ASB1: variants seen among roughly 807,000 people sequenced by gnomAD.
ASB1 encodes the protein ankyrin repeat and SOCS box containing 1.
In ASB1, 18 loss-of-function variants were observed where a neutral mutation model predicts 27.7. The ratio of observed to expected loss-of-function variants is 0.65; its 90% CI spans 0.45 to 0.96. The LOEUF (loss-of-function observed/expected upper bound fraction) is 0.96, where lower values mean the gene tolerates loss of function less well. Ranked by LOEUF, ASB1 falls within the 50% of genes least tolerant of loss-of-function variation. The pLI is 0.00. For missense variants in ASB1, 397 were observed against 451.7 expected (o/e 0.88, Z 1.10); for synonymous variants, 189 against 187.6 (o/e 1.01, Z -0.06).
rs1282842486 is a variant in ASB1 at position 238,448,148 on chromosome 2, C to T, written c.*1637C>T. 6.6e-6 allele frequency: 1 copy of T among 152,326 alleles called. No homozygotes were observed. The allele number at this position is 152,326 out of a possible 1,614,324, so 9.4% of individuals were successfully genotyped here. ...GTCCTGCTGAAGCCAGGAGGGTCTT[C>T]CCAAGATAGGAGAGGAACCGCAGGT... is the stretch of plus-strand genomic sequence containing the variant. On this transcript the variant is annotated 3_prime_UTR_variant, in exon 5 of 5. Transcript: ENST00000264607.
intron 3 of ASB1, 71 bp from the exon 4 acceptor site, chr2:238,444,271 G>A: frequency 6.6e-7 from 1 of 1,521,352 alleles, no homozygotes; most frequent in South Asian, 1.3e-5. Context: ...TGTGGGATTT[G>A]TTGGATCTGT....
chr2:238,434,083 C>T (rs1468568436), intron 2 of ASB1, among the ~76,000 whole-genome samples: 3 of 152,212 alleles, frequency 2.0e-5, no homozygotes, highest in Non-Finnish European at 4.4e-5. Context: ...CCTGCTTCAC[C>T]ACCTTCCCTA....
intron 3 of ASB1, among the ~76,000 whole-genome samples, chr2:238,437,219 G>T (rs1701989190): frequency 6.6e-6 from 1 of 151,588 alleles, no homozygotes. Context: ...ATTATACTAG[G>T]TTTACAGTCT....
rs1317969675 is a variant in ASB1 at position 238,442,361 on chromosome 2, C to T, written c.495-1981C>T. Among the ~76,000 whole-genome samples the T allele has an allele frequency of 2.0e-5, 3 of 152,132 alleles. No homozygotes were observed. The East Asian group carries it at 5.8e-4, about 29-fold the overall frequency. The stretch of plus-strand genomic sequence containing the variant: ...TCCTGACCTCAGATGATCCACCTGC[C>T]TTGGCCTCCTAAAGTGCTGGGATTA... On this transcript the variant is annotated intron_variant, in intron 3 of 4. Transcript: ENST00000264607.
chr2:238,426,971 C>G lies in ASB1; in HGVS notation c.-100C>G, dbSNP rs1701763215. The G allele has an allele frequency of 3.1e-6, 3 of 962,812 alleles. No individual in the cohort carries two copies. The highest frequency in any genetic ancestry group is 4.4e-5 in the Admixed American group (1 of 22,838). The allele number at this position is 962,812 out of a possible 1,614,324, so 59.6% of individuals were successfully genotyped here. A position where few individuals can be genotyped will look rare whatever the true frequency, so the allele number is the denominator to read the frequency against. On this transcript the variant is annotated 5_prime_UTR_variant, in exon 1 of 5. Transcript: ENST00000264607. ...CGCCGGAAGCCGCGACCCCGACGCG[C>G]CCCCCATTGCCCTCGGCGCCGGAAG...
intron 3 of ASB1, among the ~76,000 whole-genome samples, chr2:238,439,499 G>T (rs564366438): frequency 1.3e-5 from 2 of 152,288 alleles, no homozygotes; most frequent in African/African-American, 4.8e-5. Context: ...CGGCATGGAA[G>T]GTGACGCAGT....
rs776008038 is a variant in ASB1, at chr2:238,444,517, G to A, written c.670G>A (p.Gly224Ser). Residue 224 changes from glycine to serine, a missense_variant, in exon 4 of 5, where the codon GGT becomes AGT. Coordinates refer to ENST00000264607, the MANE Select transcript of ASB1 (RefSeq NM_001040445.3). Reference sequence around the variant, plus strand: ...CGCGAACCCTGACTTCAACTGCAATGGTCCTGTCAACACACAGGGATTCTA... The same window carrying A: ...CGCGAACCCTGACTTCAACTGCAATAGTCCTGTCAACACACAGGGATTCTA... ...AGANPDFNCN[G>S]PVNTQGFYRG... 2.5e-6 allele frequency: 4 copies of A among 1,614,136 alleles called. No homozygotes were observed. The highest frequency in any genetic ancestry group is 1.6e-4 in the Middle Eastern group (1 of 6,062).
At chr2:238,434,078 T>G (rs1441890795) in intron 2 of ASB1, among the ~76,000 whole-genome samples, 1 of 152,200 alleles carries the variant, frequency 6.6e-6, no homozygotes, top group Non-Finnish European at 1.5e-5. Context: ...TTCACCCTGC[T>G]TCACCACCTT....
chr2:238,430,908 T>C (rs1701859754), intron 1 of ASB1, among the ~76,000 whole-genome samples: 1 of 152,240 alleles, frequency 6.6e-6, no homozygotes, highest in South Asian at 2.1e-4. Context: ...CTAACCATGC[T>C]GTGAACAGAT....
At chr2:238,429,066 C>T (rs1701816651) in intron 1 of ASB1, among the ~76,000 whole-genome samples, 1 of 152,134 alleles carries the variant, frequency 6.6e-6, no homozygotes, top group African/African-American at 2.4e-5. Flanking sequence ...GTTGTGGGAT[C>T]AGCATGAGCA....
rs1445961784 is a variant in ASB1 at position 238,427,067 on chromosome 2, A to T, written c.-4A>T. 2.4e-6 allele frequency: 3 copies of T among 1,263,052 alleles called. No homozygotes were observed. In the East Asian group the frequency reaches 9.5e-5, roughly 40 times the overall value. The allele number at this position is 1,263,052 out of a possible 1,614,324, so 78.2% of individuals were successfully genotyped here. A position where few individuals can be genotyped will look rare whatever the true frequency, so the allele number is the denominator to read the frequency against. On this transcript the variant is annotated 5_prime_UTR_variant, in exon 1 of 5. Coordinates refer to ENST00000264607, the MANE Select transcript of ASB1 (RefSeq NM_001040445.3). ...CAGGGGCGGCCGCGGAGGCGGAAGC[A>T]TCCATGGCGGAGGGCGGCAGCCCAG...
intron 2 of ASB1, among the ~76,000 whole-genome samples, 167 bp downstream of exon 2, chr2:238,433,862 A>G (rs544271134): frequency 6.6e-6 from 1 of 152,330 alleles, no homozygotes; most frequent in East Asian, 1.9e-4. Context: ...TCAGAGTTGT[A>G]GGAGACAGCC....
intron 3 of ASB1, among the ~76,000 whole-genome samples, chr2:238,441,609 C>T (rs959553509): frequency 2.4e-4 from 37 of 152,178 alleles, no homozygotes; most frequent in African/African-American, 8.7e-4. Flanking sequence ...CTTTCCCTCC[C>T]TCTTCCTGTG....
At chr2:238,427,517 C>G (rs79987491) in intron 1 of ASB1, 31 of 170,156 alleles carry the variant, frequency 1.8e-4, no homozygotes, top group Non-Finnish European at 3.4e-4. Context: ...CACTTTTTCA[C>G]CATTCTGCCG....
rs1035696080 is a variant in ASB1 at position 238,436,129 on chromosome 2, C to A, written c.494+116C>A. On this transcript the variant is annotated intron_variant, in intron 3 of 4. Coordinates refer to ENST00000264607, the MANE Select transcript of ASB1 (RefSeq NM_001040445.3). ...TTAGATGACTCGCCTGTTTTGCTGG[C>A]CTTTGTAAAGAGCTGCCTCTTGGCT... The A allele has an allele frequency of 9.5e-6, 10 of 1,052,548 alleles. No individual in the cohort carries two copies. The South Asian group carries it at 1.4e-4, about 15-fold the overall frequency. 65.2% of individuals were successfully genotyped at this position (1,052,548 alleles called of 1,614,324 possible). A position where few individuals can be genotyped will look rare whatever the true frequency, so the allele number is the denominator to read the frequency against.
chr2:238,444,834 A>G (rs867979291), intron 4 of ASB1, 107 bp downstream of exon 4: 1 of 1,267,272 alleles, frequency 7.9e-7, no homozygotes. Context: ...CTTGGCCAAA[A>G]TCTTCAGTTA....
chr2:238,443,542 T>G (rs979675440), intron 3 of ASB1, among the ~76,000 whole-genome samples: 1 of 152,180 alleles, frequency 6.6e-6, no homozygotes, highest in Non-Finnish European at 1.5e-5. Flanking sequence ...TTAACACCAG[T>G]GTTCAACAGG....
In ASB1 at chr2:238,427,112, C is replaced by A. The variant is rs1701771300; in HGVS notation, c.42C>A (p.Gly14=). The change falls in exon 1 of 5, where the codon GGC becomes GGA. Residue 14 remains glycine, a synonymous_variant. Transcript: ENST00000264607. ...GCCCAGACGGGCGGGCAGGGCCGGG[C>A]TCCGCAGGTAACGTGCGCGCGGCCA... ...GGSPDGRAGP[G]SAGRNLKEWL... 2.4e-6 allele frequency: 3 copies of A among 1,256,280 alleles called. No homozygotes were observed. Among genetic ancestry groups the A allele is most frequent in the Admixed American group, 8.4e-5 (2 of 23,730 alleles). The allele number at this position is 1,256,280 out of a possible 1,614,324, so 77.8% of individuals were successfully genotyped here.
intron 3 of ASB1, among the ~76,000 whole-genome samples, chr2:238,442,984 C>A (rs1361085616): frequency 1.3e-5 from 2 of 152,184 alleles, no homozygotes; most frequent in Non-Finnish European, 2.9e-5. Flanking sequence ...CCTCCCACCA[C>A]CCCCTTCTTG....
Sources: gnomAD v4.1 joint callset for allele counts (sites outside exome capture counted in the v4.1 genomes callset) on GRCh38, gnomAD v4.1.1 for gene constraint, MANE v1.5 for transcripts, NCBI Gene and HGNC (gene_info 2026-07-23, HGNC 2026-07-21) for gene names.